Variants in TLK1 observed in about 807,000 individuals in gnomAD.
TLK1 encodes the protein tousled like kinase 1, also known as serine/threonine-protein kinase tousled-like 1.
Under a neutral mutation model 105.3 loss-of-function variants are expected in TLK1, and 24 were observed. The ratio of observed to expected loss-of-function variants is 0.23; its 90% confidence interval spans 0.17 to 0.32. The LOEUF (loss-of-function observed/expected upper bound fraction) is 0.32, where lower values mean the gene tolerates loss of function less well. TLK1 is among the 10% of genes least tolerant of loss of function. The pLI, the probability that TLK1 is intolerant of heterozygous loss-of-function variation, is 1.00. For synonymous variants in TLK1, 321 were observed against 310.4 expected, an observed-to-expected ratio of 1.03 and a Z score of -0.36; for missense variants, 558 against 910.5, an observed-to-expected ratio of 0.61 and a Z score of 4.98.
intron 14 of TLK1, 97 bp downstream of exon 14, chr2:171,011,276 G>A (rs541793413): frequency 2.8e-6 from 3 of 1,059,682 alleles, no homozygotes; most frequent in African/African-American, 3.2e-5. Flanking sequence ...TTACATGTGT[G>A]AGCCACCATG....
rs1254419359 is a variant in TLK1, at chr2:171,149,345, TA to T, written c.139+10944del. 2.0e-5 allele frequency among the ~76,000 whole-genome samples: 3 copies of T among 152,288 alleles called. No individual in the cohort carries two copies. In the East Asian group the frequency reaches 5.8e-4, roughly 29 times the overall value. On this transcript the variant is annotated intron_variant, in intron 1 of 20. Coordinates refer to ENST00000431350, the MANE Select transcript of TLK1 (RefSeq NM_012290.5). Reference sequence around the variant, plus strand: ...CCTTGTGAAACCTTGTAGTTACTATTACTATCCCACCCTATCAAAAACAAAA... The same window carrying T: ...CCTTGTGAAACCTTGTAGTTACTATTCTATCCCACCCTATCAAAAACAAAA...
chr2:171,164,716 A>G (rs186473434), upstream of TLK1, among the ~76,000 whole-genome samples: 9 of 152,354 alleles, frequency 5.9e-5, no homozygotes, highest in Non-Finnish European at 1.2e-4. Flanking sequence ...CAAATACATA[A>G]TTTTATAAAA....
intron 18 of TLK1, among the ~76,000 whole-genome samples, chr2:170,999,769 T>C (rs1451050397): frequency 6.6e-6 from 1 of 151,296 alleles, no homozygotes; most frequent in African/African-American, 2.4e-5. Flanking sequence ...TTTATTTTTA[T>C]TTTTTTTTGA....
intron 1 of TLK1, among the ~76,000 whole-genome samples, chr2:171,209,374 T>G (rs1693566826): frequency 1.3e-5 from 2 of 152,172 alleles, no homozygotes; most frequent in Admixed American, 1.3e-4. Context: ...GCTAAATAAA[T>G]TATTAGGTAT....
At chr2:171,216,435 C>T (rs1382851541) in intron 1 of TLK1, among the ~76,000 whole-genome samples, 1 of 152,124 alleles carries the variant, frequency 6.6e-6, no homozygotes, top group Non-Finnish European at 1.5e-5. Context: ...GAGATCATGC[C>T]ACTGCACTCC....
chr2:171,076,710 T>G (rs1198945101), intron 3 of TLK1, among the ~76,000 whole-genome samples: 2 of 142,190 alleles, frequency 1.4e-5, no homozygotes, highest in Non-Finnish European at 3.0e-5. Context: ...GCATCCTGAC[T>G]AACACGGTGA....
rs558058284 is a variant in TLK1 at position 171,050,118 on chromosome 2, G to A, written c.789C>T (p.Tyr263=). The change falls in exon 9 of 21, where the codon TAC becomes TAT. Residue 263 remains tyrosine (Y), a synonymous_variant. Transcript: ENST00000431350. ...ATATGCACTTATTTAATCGTTCTTT[G>A]TATTTTTCAAGTAATTTTTGTTGTT... ...IDEQQKLLEK[Y]KERLNKCISM... 55 of 1,598,672 alleles carry A rather than the reference G, an allele frequency of 3.4e-5. 1 individual carries two copies. The South Asian group carries it at 6.0e-4, about 17-fold the overall frequency.
chr2:171,071,569 G>C (rs541240572), intron 3 of TLK1, among the ~76,000 whole-genome samples: 4 of 152,120 alleles, frequency 2.6e-5, no homozygotes, highest in African/African-American at 9.7e-5. Context: ...TTACAGGTGT[G>C]AGCCACCACG....
chr2:171,151,595 C>T (rs1692039665), intron 1 of TLK1, among the ~76,000 whole-genome samples: 1 of 151,814 alleles, frequency 6.6e-6, no homozygotes, highest in South Asian at 2.1e-4. Flanking sequence ...CCGCCTCAGC[C>T]TCCCGAGTAG....
rs1692353718 is a variant in TLK1, at chr2:171,159,229, C to T, written c.139+1061G>A. 2.0e-5 allele frequency among the ~76,000 whole-genome samples: 3 copies of T among 152,296 alleles called. No individual in the cohort carries two copies. The South Asian group carries it at 6.2e-4, about 32-fold the overall frequency. ...GAAAATGTGCCTATCTCCTCGTGTG[C>T]GACAACTAGGAGTGAACAGCCCGTC... On this transcript the variant is annotated intron_variant, in intron 1 of 20. Coordinates refer to ENST00000431350, the MANE Select transcript of TLK1 (RefSeq NM_012290.5).
At chr2:171,068,391 G>T (rs914236980) in intron 3 of TLK1, among the ~76,000 whole-genome samples, 1 of 152,108 alleles carries the variant, frequency 6.6e-6, no homozygotes, top group Non-Finnish European at 1.5e-5. Flanking sequence ...AGGCTGGACT[G>T]TAACTCCTAG....
chr2:171,213,025 T>C (rs1345120567), intron 1 of TLK1, among the ~76,000 whole-genome samples: 1 of 152,150 alleles, frequency 6.6e-6, no homozygotes, highest in Non-Finnish European at 1.5e-5. Context: ...GAGTAGACAT[T>C]ACTTTGTAAA....
chr2:170,993,938 A>C lies in TLK1; in HGVS notation c.2143T>G (p.Leu715Val), dbSNP rs1446116652. 2.5e-6 allele frequency: 4 copies of C among 1,607,832 alleles called. No individual in the cohort carries two copies. Among genetic ancestry groups the C allele is most frequent in the Non-Finnish European group, 3.4e-6 (4 of 1,177,876 alleles). ...SEAKAFIRRC[L>V]AYRKEDRFDV... ...AATCGATCTTCTTTTCGATATGCCA[A>C]ACAGCGTCTTATAAATGCCTCAAAA... The change falls in exon 21 of 21, where the codon TTG becomes GTG. Residue 715 changes from leucine to valine, a missense_variant. This residue lies in a region of TLK1 where 218 missense variants were observed against 492.9 expected (regional missense o/e 0.44). Transcript: ENST00000431350.
At chr2:171,153,455 G>A (rs533087962) in intron 1 of TLK1, among the ~76,000 whole-genome samples, 6 of 152,340 alleles carry the variant, frequency 3.9e-5, no homozygotes, top group African/African-American at 1.4e-4. Flanking sequence ...ATAGAGAGAT[G>A]ATGTATGTGA....
At chr2:171,093,046 A>T (rs981812614) in intron 2 of TLK1, among the ~76,000 whole-genome samples, 1 of 152,180 alleles carries the variant, frequency 6.6e-6, no homozygotes, top group Non-Finnish European at 1.5e-5. Flanking sequence ...CAGTACTCTT[A>T]AAAATATATG....
chr2:171,025,709 T>C (rs1162563696), intron 12 of TLK1, among the ~76,000 whole-genome samples: 3 of 152,312 alleles, frequency 2.0e-5, no homozygotes, highest in African/African-American at 2.4e-5. Flanking sequence ...GTTTTAAAAA[T>C]CTGTTTAATC....
intron 3 of TLK1, among the ~76,000 whole-genome samples, chr2:171,076,535 CATT>C (rs1688517190): frequency 1.3e-5 from 2 of 151,984 alleles, no homozygotes; most frequent in African/African-American, 4.8e-5. Flanking sequence ...GACACAAGAT[CATT>C]GTGTTTAGAT....
At chr2:171,058,327 C>A in intron 4 of TLK1, 130 bp from the exon 5 acceptor site, 3 of 790,840 alleles carry the variant, frequency 3.8e-6, no homozygotes, top group East Asian at 2.6e-5. Flanking sequence ...AGAGACATGC[C>A]AATTTTTAAA....
At chr2:171,196,022 A>G (rs1423433815) in intron 1 of TLK1, among the ~76,000 whole-genome samples, 5 of 117,908 alleles carry the variant, frequency 4.2e-5, no homozygotes, top group African/African-American at 1.5e-4. Flanking sequence ...TGAGTAACAG[A>G]GTGAGACTCT....
Sources: gnomAD v4.1 joint callset for allele counts (sites outside exome capture counted in the v4.1 genomes callset) on GRCh38, gnomAD v4.1.1 for gene constraint, gnomAD v4.1.1 regional missense constraint, MANE v1.5 for transcripts, NCBI Gene and HGNC (gene_info 2026-07-23, HGNC 2026-07-21) for gene names.